UCKL1: variants seen among roughly 807,000 people sequenced by gnomAD.
The protein encoded by UCKL1 is uridine-cytidine kinase 1 like 1.
A neutral mutation model predicts 59.2 loss-of-function variants in UCKL1; 65 were observed. The observed-to-expected ratio is 1.10, with a 90% CI of 0.90 to 1.35. The LOEUF (loss-of-function observed/expected upper bound fraction) is 1.35. Ranked by LOEUF, UCKL1 falls within the 40% of genes most tolerant of loss-of-function variation. The pLI is 0.00. For synonymous variants in UCKL1, 410 were observed against 323.1 expected (o/e 1.27, Z -2.88); for missense variants, 703 against 784.3 (o/e 0.90, Z 1.24).
At chr20:63,951,829 G>A (rs1054947485) in intron 1 of UCKL1, among the ~76,000 whole-genome samples, 5 of 152,098 alleles carry the variant, frequency 3.3e-5, no homozygotes, top group South Asian at 4.2e-4. Context: ...ACAGGGTTTC[G>A]GCCCCACCCT....
intron 7 of UCKL1, among the ~76,000 whole-genome samples, chr20:63,944,167 AC>A (rs1240478310): frequency 6.6e-6 from 1 of 151,994 alleles, no homozygotes; most frequent in African/African-American, 2.4e-5. Flanking sequence ...GAGCACCTGT[AC>A]CCCCACCCCA....
intron 8 of UCKL1, chr20:63,942,503 G>A: frequency 8.5e-7 from 1 of 1,176,824 alleles, no homozygotes; most frequent in Non-Finnish European, 1.1e-6. Flanking sequence ...CTTGCCAGGT[G>A]AAGAGCATGT....
intron 1 of UCKL1, among the ~76,000 whole-genome samples, chr20:63,947,651 C>G (rs1011709027): frequency 6.6e-5 from 10 of 152,220 alleles, no homozygotes; most frequent in Non-Finnish European, 1.3e-4. Flanking sequence ...TTATTGGAAC[C>G]CCATTCATTC....
At chr20:63,949,461 C>G (rs538227575) in intron 1 of UCKL1, among the ~76,000 whole-genome samples, 40 of 152,190 alleles carry the variant, frequency 2.6e-4, no homozygotes, top group Non-Finnish European at 5.3e-4. Context: ...ACAGAAGCCA[C>G]GACCTCCCAG....
chr20:63,947,680 G>A (rs1171803191), intron 1 of UCKL1, among the ~76,000 whole-genome samples: 2 of 152,230 alleles, frequency 1.3e-5, no homozygotes, highest in Admixed American at 1.3e-4. Flanking sequence ...GCCCCTCCTG[G>A]GTCCCCAAGA....
intron 1 of UCKL1, among the ~76,000 whole-genome samples, chr20:63,950,390 C>T (rs2146681045): frequency 6.6e-6 from 1 of 152,248 alleles, no homozygotes; most frequent in East Asian, 1.9e-4. Flanking sequence ...GCCTGGGCAA[C>T]ATGGTGAGAC....
chr20:63,946,829 G>C (rs1388113941), intron 1 of UCKL1, among the ~76,000 whole-genome samples, 186 bp from the exon 2 acceptor site: 1 of 152,110 alleles, frequency 6.6e-6, no homozygotes, highest in East Asian at 1.9e-4. Flanking sequence ...TGTAATCCCA[G>C]TACTTTGGGA....
intron 1 of UCKL1, among the ~76,000 whole-genome samples, chr20:63,950,412 A>G (rs1037694020): frequency 3.3e-5 from 5 of 151,290 alleles, no homozygotes; most frequent in Admixed American, 6.6e-5. Context: ...GTCTCCACAC[A>G]AAAAACTTTA....
intron 1 of UCKL1, chr20:63,955,988 C>G (rs2058580612): frequency 3.1e-6 from 1 of 324,658 alleles, no homozygotes; most frequent in African/African-American, 2.2e-5. Context: ...GCCCCACCCA[C>G]CGGGGGCAGA....
At chr20:63,941,376 G>T in intron 8 of UCKL1, 168 bp from the exon 9 acceptor site, 1 of 1,056,762 alleles carries the variant, frequency 9.5e-7, no homozygotes, top group Non-Finnish European at 1.4e-6. Context: ...GGGAGACGTC[G>T]CCCTACCTGA....
At position 63,946,604 on chromosome 20, in the gene UCKL1, CA is replaced by C; in HGVS notation, c.152del (p.Val51GlyfsTer67). On this transcript the variant is annotated frameshift_variant, in exon 2 of 15. Coordinates refer to ENST00000354216, the MANE Select transcript of UCKL1 (RefSeq NM_017859.4). LOFTEE classifies it high-confidence loss of function. ...GCTTCCGGGGAGAGCGCCCAGTGCC[CA>C]CAGGTGGCAGGAGCCTGTCCAGGGA... ...AESLDRLLPPVGTGRSPRKRT... is the reference protein window; with the variant it reads ...AESLDRLLPPXGTGRSPRKRT... 6.2e-7 allele frequency: 1 copy of C among 1,610,672 alleles called. No individual in the cohort carries two copies. Among genetic ancestry groups the C allele is most frequent in the African/African-American group, 1.3e-5 (1 of 75,054 alleles).
At chr20:63,955,913 C>T (rs770559853) in intron 1 of UCKL1, 7 of 186,620 alleles carry the variant, frequency 3.8e-5, no homozygotes, top group Non-Finnish European at 6.7e-5. Context: ...CACCCCGAGC[C>T]GACAACATAG....
chr20:63,940,094 TCC>T (rs756467787), intron 14 of UCKL1, 39 bp from the exon 15 acceptor site: 102 of 1,602,302 alleles, frequency 6.4e-5, no homozygotes, highest in Non-Finnish European at 8.3e-5. Context: ...TGGTGGGGCC[TCC>T]CAGGGCCACC....
chr20:63,949,533 C>T (rs1264594950), intron 1 of UCKL1, among the ~76,000 whole-genome samples: 1 of 152,206 alleles, frequency 6.6e-6, no homozygotes, highest in Non-Finnish European at 1.5e-5. Context: ...AAGGGTCACC[C>T]CCGGGGCCAC....
Position 63,944,554 on chromosome 20 carries a change from C to A in UCKL1, c.835G>T (p.Val279Phe), listed in dbSNP as rs2055622485. 4.3e-6 allele frequency: 7 copies of A among 1,610,404 alleles called. No homozygotes were observed. The East Asian group carries it at 1.6e-4, about 36-fold the overall frequency. The change falls in exon 6 of 15, where the codon GTC becomes TTC. Residue 279 changes from valine (V) to phenylalanine (F), a missense_variant. Coordinates refer to ENST00000354216, the MANE Select transcript of UCKL1 (RefSeq NM_017859.4). ...QPTMRLADIV[V>F]PRGSGNTVAI... is the part of the protein sequence containing the mutation. ...AGCCCAGCAGGCTCACCTCTGGGGACCACGATGTCTGCCAGGCGCATGGTG... is the reference window on the plus strand; with the variant it reads ...AGCCCAGCAGGCTCACCTCTGGGGAACACGATGTCTGCCAGGCGCATGGTG...
chr20:63,948,706 G>A (rs1331582218), intron 1 of UCKL1, among the ~76,000 whole-genome samples: 1 of 136,908 alleles, frequency 7.3e-6, no homozygotes, highest in Non-Finnish European at 1.6e-5. Context: ...GGCGTGTAAG[G>A]GAGGGGGTGT....
chr20:63,952,372 G>A (rs1475737972), intron 1 of UCKL1, among the ~76,000 whole-genome samples: 4 of 152,206 alleles, frequency 2.6e-5, no homozygotes, highest in Admixed American at 6.5e-5. Context: ...GGCGAGGGAC[G>A]GAGGAGCCCA....
In UCKL1 at chr20:63,946,574, G is replaced by A. The variant is rs374126086; in HGVS notation, c.183C>T (p.Thr61=). 39 of 1,611,676 alleles carry A rather than the reference G, an allele frequency of 2.4e-5. No homozygotes were observed. The highest frequency in any genetic ancestry group is 3.1e-5 in the Non-Finnish European group (36 of 1,179,770). The change falls in exon 2 of 15, where the codon ACC becomes ACT. Residue 61 remains threonine, a synonymous_variant. Coordinates refer to ENST00000354216, the MANE Select transcript of UCKL1 (RefSeq NM_017859.4). ...GAGGCTCTGACTTGCACTGGCTGGTGGTCCGCTTCCGGGGAGAGCGCCCAG... is the reference window on the plus strand; with the variant it reads ...GAGGCTCTGACTTGCACTGGCTGGTAGTCCGCTTCCGGGGAGAGCGCCCAG... ...VGTGRSPRKR[T]TSQCKSEPPL...
At chr20:63,950,819 C>A in intron 1 of UCKL1, 1 of 1,535,486 alleles carries the variant, frequency 6.5e-7, no homozygotes, top group Non-Finnish European at 8.8e-7. Context: ...AGCTGGGGGG[C>A]TGCTCATGGT....
Sources: gnomAD v4.1 joint callset for allele counts (sites outside exome capture counted in the v4.1 genomes callset) on GRCh38, gnomAD v4.1.1 for gene constraint, MANE v1.5 for transcripts, NCBI Gene and HGNC (gene_info 2026-07-23, HGNC 2026-07-21) for gene names.